STAC: variants seen among roughly 807,000 people sequenced by gnomAD.
The protein encoded by STAC is SH3 and cysteine rich domain, also known as SH3 and cysteine-rich domain-containing protein.
A neutral mutation model predicts 48.8 loss-of-function variants in STAC; 43 were observed. That is an observed-to-expected ratio of 0.88 (90% CI 0.69 to 1.14). The LOEUF (loss-of-function observed/expected upper bound fraction) is 1.14. Ranked by LOEUF, STAC falls within the 50% of genes most tolerant of loss-of-function variation. STAC has a pLI of 0.00. For missense variants in STAC, 497 were observed against 504.0 expected (o/e 0.99, Z 0.13); for synonymous variants, 193 against 179.5 (o/e 1.07, Z -0.60).
intron 2 of STAC, among the ~76,000 whole-genome samples, chr3:36,463,187 T>A (rs1044740356): frequency 1.1e-4 from 17 of 152,226 alleles, no homozygotes; most frequent in South Asian, 2.1e-4. Context: ...AAGAAGCTTT[T>A]TTGTTATATT....
intron 5 of STAC, among the ~76,000 whole-genome samples, chr3:36,488,152 C>T (rs1697865376): frequency 6.6e-6 from 1 of 152,146 alleles, no homozygotes; most frequent in African/African-American, 2.4e-5. Context: ...AGGCTGGCCT[C>T]AAACTCCTGG....
intron 1 of STAC, among the ~76,000 whole-genome samples, chr3:36,412,789 A>AT (rs1399709358): frequency 6.6e-6 from 1 of 152,198 alleles, no homozygotes; most frequent in African/African-American, 2.4e-5. Context: ...AATATTACGT[A>AT]TTTTTTTAAT....
chr3:36,385,328 C>T (rs1337741154), intron 1 of STAC, among the ~76,000 whole-genome samples: 1 of 152,042 alleles, frequency 6.6e-6, no homozygotes, highest in Non-Finnish European at 1.5e-5. Context: ...AGATTTCATA[C>T]ATTTAAAAAA....
At chr3:36,433,248 T>C (rs915640851) in intron 1 of STAC, among the ~76,000 whole-genome samples, 1 of 152,170 alleles carries the variant, frequency 6.6e-6, no homozygotes, top group East Asian at 1.9e-4. Context: ...TTAAGGTTTA[T>C]GTATCATTGG....
intron 1 of STAC, among the ~76,000 whole-genome samples, chr3:36,386,809 G>C (rs776265300): frequency 2.0e-5 from 3 of 152,088 alleles, no homozygotes; most frequent in African/African-American, 7.2e-5. Flanking sequence ...ATCTGGTAGC[G>C]TAAGCCCTGG....
intron 8 of STAC, among the ~76,000 whole-genome samples, chr3:36,515,139 G>C (rs1575254775): frequency 1.3e-5 from 2 of 152,176 alleles, no homozygotes; most frequent in Admixed American, 1.3e-4. Flanking sequence ...TCCTGGAACA[G>C]ATGGGCCTGA....
intron 1 of STAC, among the ~76,000 whole-genome samples, chr3:36,432,155 C>A (rs1167051178): frequency 1.3e-5 from 2 of 152,188 alleles, no homozygotes; most frequent in Non-Finnish European, 2.9e-5. Context: ...TGCCAGACAC[C>A]TTGCCAGATA....
chr3:36,528,682 A>G lies in STAC; in HGVS notation c.921-14A>G. ...TTTTTTTCCTTTACCTAACTCATTC[A>G]TTCTTCATTTTAGGCCAGGAGACAT... is the stretch of plus-strand genomic sequence containing the variant. On this transcript the variant is annotated splice_polypyrimidine_tract_variant and intron_variant, in intron 8 of 10. Transcript: ENST00000273183. 1.9e-6 allele frequency: 3 copies of G among 1,582,022 alleles called. No homozygotes were observed. Among genetic ancestry groups the G allele is most frequent in the South Asian group, 1.2e-5 (1 of 83,788 alleles).
chr3:36,381,619 T>C (rs765384616), intron 1 of STAC, among the ~76,000 whole-genome samples: 30 of 152,200 alleles, frequency 2.0e-4, no homozygotes, highest in Non-Finnish European at 4.0e-4. Flanking sequence ...TGTGAGGCAG[T>C]CCGTGTATAC....
Position 36,403,937 on chromosome 3 carries a change from A to G in STAC, c.111+23183A>G, listed in dbSNP as rs1221470465. Among the ~76,000 whole-genome samples the G allele has an allele frequency of 2.6e-5, 4 of 152,198 alleles. No homozygotes were observed. In the East Asian group the frequency reaches 7.7e-4, roughly 29 times the overall value. On this transcript the variant is annotated intron_variant, in intron 1 of 10. Coordinates refer to ENST00000273183, the MANE Select transcript of STAC (RefSeq NM_003149.3). ...AAATTAAATCCTGGATAAAGCACTA[A>G]CAAAGCAATTTTGCACAGTGACTCT...
At chr3:36,544,450 A>G (rs1166335348) in intron 10 of STAC, among the ~76,000 whole-genome samples, 1 of 152,108 alleles carries the variant, frequency 6.6e-6, no homozygotes, top group African/African-American at 2.4e-5. Context: ...GATTACAGGC[A>G]TGAGCCACCG....
intron 1 of STAC, among the ~76,000 whole-genome samples, chr3:36,398,376 G>GAAAGAAAGAAAAGAA (rs375266534): frequency 7.4e-6 from 1 of 135,818 alleles, no homozygotes; most frequent in Admixed American, 7.7e-5. Flanking sequence ...AGAAAAGAAA[G>GAAAGAAAGAAAAGAA]AGAGAAAGAA....
intron 1 of STAC, chr3:36,409,672 T>A (rs1700151987): frequency 6.6e-6 from 1 of 152,196 alleles, no homozygotes; most frequent in South Asian, 2.1e-4. Context: ...TCCATCCACG[T>A]GCATCTTGGG....
intron 1 of STAC, among the ~76,000 whole-genome samples, chr3:36,436,833 C>T (rs1700845173): frequency 6.6e-6 from 1 of 152,142 alleles, no homozygotes; most frequent in South Asian, 2.1e-4. Flanking sequence ...TCAGAGTGAA[C>T]AGGCAACCTA....
At chr3:36,510,113 AG>A (rs1698498986) in intron 8 of STAC, among the ~76,000 whole-genome samples, 1 of 152,184 alleles carries the variant, frequency 6.6e-6, no homozygotes, top group Admixed American at 6.6e-5. Flanking sequence ...CAAATTTACA[AG>A]AAAAAAACCC....
At chr3:36,392,106 A>G (rs1299881118) in intron 1 of STAC, among the ~76,000 whole-genome samples, 1 of 152,072 alleles carries the variant, frequency 6.6e-6, no homozygotes, top group Non-Finnish European at 1.5e-5. Flanking sequence ...TTCCCATCAC[A>G]CCACTTTCCC....
intron 1 of STAC, among the ~76,000 whole-genome samples, chr3:36,414,568 C>T (rs1700273417): frequency 6.6e-6 from 1 of 152,034 alleles, no homozygotes; most frequent in Admixed American, 6.6e-5. Flanking sequence ...TTCTAGTTAG[C>T]CATTCATCTA....
At chr3:36,497,889 T>A (rs1698186950) in intron 6 of STAC, among the ~76,000 whole-genome samples, 1 of 152,192 alleles carries the variant, frequency 6.6e-6, no homozygotes, top group Admixed American at 6.5e-5. Context: ...TAGTTTAAAG[T>A]GGCCCAGGTA....
At chr3:36,411,220 C>T (rs141943606) in intron 1 of STAC, among the ~76,000 whole-genome samples, 1 of 152,160 alleles carries the variant, frequency 6.6e-6, no homozygotes, top group Non-Finnish European at 1.5e-5. Flanking sequence ...ACTGCCATAC[C>T]CCTGGCCTAA....
Sources: allele counts gnomAD v4.1 joint callset (sites outside exome capture counted in the v4.1 genomes callset), GRCh38; gene constraint gnomAD v4.1.1; transcripts MANE v1.5; gene names NCBI Gene and HGNC (gene_info 2026-07-23, HGNC 2026-07-21).